Variants in DPY19L4 observed in about 807,000 individuals in gnomAD.
DPY19L4 encodes probable C-mannosyltransferase DPY19L4.
DPY19L4 carries 97 observed loss-of-function variants against 102.8 expected under a neutral mutation model. The ratio of observed to expected loss-of-function variants is 0.94; its 90% CI spans 0.80 to 1.12. The LOEUF (loss-of-function observed/expected upper bound fraction) is 1.12, where lower values mean the gene tolerates loss of function less well. Among genes scored for constraint, DPY19L4 ranks in the 50% most tolerant of loss-of-function variants. The pLI is 0.00. For synonymous variants in DPY19L4, 252 were observed against 283.1 expected, an observed-to-expected ratio of 0.89 and a Z score of 1.10; for missense variants, 815 against 850.4, an observed-to-expected ratio of 0.96 and a Z score of 0.52.
intron 17 of DPY19L4, 77 bp downstream of exon 17, chr8:94,783,879 G>A: frequency 6.7e-7 from 1 of 1,488,438 alleles, no homozygotes; most frequent in Non-Finnish European, 9.0e-7. Context: ...GTATACATAT[G>A]CTTCTAGGTA....
intron 13 of DPY19L4, among the ~76,000 whole-genome samples, chr8:94,771,027 G>A (rs1324589834): frequency 6.6e-6 from 1 of 150,788 alleles, no homozygotes; most frequent in Non-Finnish European, 1.5e-5. Flanking sequence ...CAATTCTCCT[G>A]TCTCAGCCTC....
Position 94,756,050 on chromosome 8 carries a change from G to T in DPY19L4, c.626G>T (p.Arg209Ile). 2 of 1,611,280 alleles carry T rather than the reference G, an allele frequency of 1.2e-6. No individual in the cohort carries two copies. Among genetic ancestry groups the T allele is most frequent in the Non-Finnish European group, 1.7e-6 (2 of 1,179,592 alleles). Residue 209 changes from arginine to isoleucine, a missense_variant, in exon 7 of 19, where the codon AGA (arginine) becomes ATA (isoleucine). Transcript: ENST00000414645. ...GTTTATTTTAGGGTAGATACAACAA[G>T]AATTGAATACTCCATTCCTTTAAGA... Reference protein sequence around the residue: ...WFVINRVDTTRIEYSIPLREN... With the variant: ...WFVINRVDTTIIEYSIPLREN...
At chr8:94,753,251 TGAA>T (rs1436496714) in intron 6 of DPY19L4, among the ~76,000 whole-genome samples, 1 of 152,132 alleles carries the variant, frequency 6.6e-6, no homozygotes, top group African/African-American at 2.4e-5. Context: ...AGAATAAGTA[TGAA>T]GAAGGGAAAA....
intron 11 of DPY19L4, among the ~76,000 whole-genome samples, chr8:94,767,869 A>G (rs567046048): frequency 1.8e-4 from 28 of 152,290 alleles, no homozygotes; most frequent in Middle Eastern, 6.8e-3. Context: ...TCTAATATAT[A>G]AAAATAATTT....
intron 6 of DPY19L4, among the ~76,000 whole-genome samples, chr8:94,748,817 G>C (rs181895027): frequency 1.6e-4 from 25 of 152,252 alleles, no homozygotes; most frequent in Non-Finnish European, 3.7e-4. Flanking sequence ...CTCCTTATGA[G>C]AATCTAACTA....
intron 6 of DPY19L4, among the ~76,000 whole-genome samples, chr8:94,745,905 C>T (rs1410901381): frequency 1.3e-5 from 2 of 152,004 alleles, no homozygotes; most frequent in African/African-American, 4.8e-5. Context: ...CAGGCATGAG[C>T]CACCACACCC....
At chr8:94,751,267 C>T (rs142631455) in intron 6 of DPY19L4, among the ~76,000 whole-genome samples, 11,589 of 151,174 alleles carry the variant, frequency 0.077, 1,440 homozygotes, top group African/African-American at 0.26. Context: ...TACAGGCGCC[C>T]GCCACCGCGC....
intron 6 of DPY19L4, among the ~76,000 whole-genome samples, chr8:94,741,005 G>A (rs1811422741): frequency 6.6e-6 from 1 of 152,162 alleles, no homozygotes; most frequent in Non-Finnish European, 1.5e-5. Context: ...ACTAAGTCTT[G>A]TTGCATCCTG....
chr8:94,763,097 T>G (rs1004851052), intron 8 of DPY19L4, among the ~76,000 whole-genome samples: 1 of 150,818 alleles, frequency 6.6e-6, no homozygotes, highest in African/African-American at 2.4e-5. Flanking sequence ...TACAGGCGCC[T>G]GCCACCATGC....
In DPY19L4 at chr8:94,777,806, T is replaced by C. The variant is rs757111637; in HGVS notation, c.1575+20T>C. The C allele has an allele frequency of 1.3e-6, 2 of 1,597,914 alleles. No homozygotes were observed. The highest frequency in any genetic ancestry group is 1.7e-6 in the Non-Finnish European group (2 of 1,170,976). ...TTGTTGGTGAGTCATTATTTTGCATTGTTTCTCTTCTAATTATATAAAATC... is the reference window on the plus strand; with the variant it reads ...TTGTTGGTGAGTCATTATTTTGCATCGTTTCTCTTCTAATTATATAAAATC... On this transcript the variant is annotated intron_variant, in intron 14 of 18. Coordinates refer to ENST00000414645, the MANE Select transcript of DPY19L4 (RefSeq NM_181787.3).
intron 2 of DPY19L4, among the ~76,000 whole-genome samples, chr8:94,731,124 T>G (rs1382386332): frequency 1.3e-5 from 2 of 151,958 alleles, no homozygotes; most frequent in Non-Finnish European, 2.9e-5. Context: ...TGAATATACT[T>G]TTTATAATAG....
At chr8:94,723,243 C>T (rs551670695) in intron 1 of DPY19L4, among the ~76,000 whole-genome samples, 7 of 152,172 alleles carry the variant, frequency 4.6e-5, no homozygotes, top group South Asian at 2.1e-4. Context: ...GAGGCCGAGG[C>T]GGGCAAATCA....
intron 2 of DPY19L4, among the ~76,000 whole-genome samples, chr8:94,733,383 C>T (rs530140197): frequency 3.7e-4 from 56 of 152,104 alleles, no homozygotes; most frequent in African/African-American, 5.8e-4. Flanking sequence ...CCTTGGCCTG[C>T]CAAAGTTCTG....
At chr8:94,785,672 A>G (rs907337439) in intron 17 of DPY19L4, among the ~76,000 whole-genome samples, 12 of 152,242 alleles carry the variant, frequency 7.9e-5, no homozygotes, top group Admixed American at 7.2e-4. Context: ...CATGGCAGAA[A>G]GAACAGATTG....
intron 13 of DPY19L4, among the ~76,000 whole-genome samples, chr8:94,774,999 G>A (rs910706745): frequency 2.6e-5 from 4 of 152,086 alleles, no homozygotes; most frequent in Non-Finnish European, 4.4e-5. Flanking sequence ...TTTCATCTAT[G>A]TTGTAAGATG....
At chr8:94,748,228 G>A (rs985014933) in intron 6 of DPY19L4, among the ~76,000 whole-genome samples, 2 of 152,146 alleles carry the variant, frequency 1.3e-5, no homozygotes, top group Non-Finnish European at 2.9e-5. Flanking sequence ...GCAGACACTG[G>A]AGAAGGATTC....
chr8:94,754,989 T>A (rs1005246436), intron 6 of DPY19L4, among the ~76,000 whole-genome samples: 7 of 152,240 alleles, frequency 4.6e-5, no homozygotes, highest in Admixed American at 3.9e-4. Context: ...GGTTTCACCA[T>A]GTTGGCCAGG....
Position 94,756,081 on chromosome 8 carries a change from CTG to C in DPY19L4, c.658_659del (p.Trp220GlyfsTer46), listed in dbSNP as rs1812151015. On this transcript the variant is annotated frameshift_variant, in exon 7 of 19. Transcript: ENST00000414645. LOFTEE classifies it high-confidence loss of function. ...AATACTCCATTCCTTTAAGAGAAAA[CTG>C]GGCACTACCATATTTTGCATGCCAA... ...IEYSIPLREN[W>X]ALPYFACQIA... 1 of 1,613,278 alleles carries C rather than the reference CTG, an allele frequency of 6.2e-7. No individual in the cohort carries two copies. Among genetic ancestry groups the C allele is most frequent in the Non-Finnish European group, 8.5e-7 (1 of 1,179,906 alleles).
At position 94,790,104 on chromosome 8, in the gene DPY19L4, A is replaced by G. The variant is rs1813831283; in HGVS notation, c.*194A>G. On this transcript the variant is annotated 3_prime_UTR_variant, in exon 19 of 19. Transcript: ENST00000414645. ...CATTACTGTCCTTTGATTAAATGTGATATCTACCACTCTGCAATATTCCAG... is the reference window on the plus strand; with the variant it reads ...CATTACTGTCCTTTGATTAAATGTGGTATCTACCACTCTGCAATATTCCAG... The G allele has an allele frequency of 4.0e-6, 2 of 498,556 alleles. No homozygotes were observed. Among genetic ancestry groups the G allele is most frequent in the Non-Finnish European group, 6.9e-6 (2 of 288,732 alleles). The allele number at this position is 498,556 out of a possible 1,614,324, so 30.9% of individuals were successfully genotyped here.
Sources: allele counts gnomAD v4.1 joint callset (sites outside exome capture counted in the v4.1 genomes callset), GRCh38; gene constraint gnomAD v4.1.1; transcripts MANE v1.5; gene names NCBI Gene and HGNC (gene_info 2026-07-23, HGNC 2026-07-21).